Variants in PRIMA1 observed in about 807,000 individuals in gnomAD.
PRIMA1 encodes proline rich membrane anchor 1.
Under a neutral mutation model 17.5 loss-of-function variants are expected in PRIMA1, and 7 were observed. That is an observed-to-expected ratio of 0.40 (90% CI 0.23 to 0.75). The LOEUF (loss-of-function observed/expected upper bound fraction) is 0.75, where lower values mean the gene tolerates loss of function less well. PRIMA1 is among the 30% of genes least tolerant of loss of function. PRIMA1 has a pLI of 0.37. For synonymous variants in PRIMA1, 97 were observed against 77.9 expected (o/e 1.25, Z -1.29); for missense variants, 200 against 201.8 (o/e 0.99, Z 0.05).
chr14:93,771,273 C>A lies in PRIMA1; in HGVS notation c.229+7903G>T, dbSNP rs140705078. 1.7e-3 allele frequency among the ~76,000 whole-genome samples: 253 copies of A among 152,268 alleles called. 1 individual carries two copies. The highest frequency in any genetic ancestry group is 5.6e-3 in the African/African-American group (234 of 41,554). ...TCCCCACTGTTTCAATATGAGGCAGCCCTGGTCCCTTGATTCTAAAAAACA... is the reference window on the plus strand; with the variant it reads ...TCCCCACTGTTTCAATATGAGGCAGACCTGGTCCCTTGATTCTAAAAAACA... On this transcript the variant is annotated intron_variant, in intron 3 of 4. Transcript: ENST00000393140.
intron 3 of PRIMA1, among the ~76,000 whole-genome samples, chr14:93,775,602 T>C (rs1171157102): frequency 6.6e-6 from 1 of 152,222 alleles, no homozygotes; most frequent in African/African-American, 2.4e-5. Flanking sequence ...TATTTTATGA[T>C]TGGCAGAAGT....
At chr14:93,744,770 G>A (rs1234752165) in intron 3 of PRIMA1, among the ~76,000 whole-genome samples, 1 of 152,120 alleles carries the variant, frequency 6.6e-6, no homozygotes, top group Non-Finnish European at 1.5e-5. Context: ...CTCCAATCAC[G>A]GATTCCTACA....
chr14:93,784,414 TG>T (rs1885464936), intron 2 of PRIMA1, among the ~76,000 whole-genome samples: 1 of 152,172 alleles, frequency 6.6e-6, no homozygotes, highest in African/African-American at 2.4e-5. Flanking sequence ...GCAATCCTCC[TG>T]CCTTGGCTTC....
intron 4 of PRIMA1, 61 bp from the exon 5 acceptor site, chr14:93,721,607 T>G: frequency 3.5e-5 from 34 of 979,072 alleles, no homozygotes; most frequent in Non-Finnish European, 5.0e-5. Flanking sequence ...CACCATTAGT[T>G]ATCACTGATG....
upstream of PRIMA1, among the ~76,000 whole-genome samples, chr14:93,788,909 C>T (rs901727317): frequency 8.5e-5 from 13 of 152,152 alleles, no homozygotes; most frequent in African/African-American, 2.7e-4. Context: ...GCCCGGGGCA[C>T]TGGGGTGCCC....
intron 3 of PRIMA1, among the ~76,000 whole-genome samples, chr14:93,752,052 G>A (rs2076263038): frequency 6.6e-6 from 1 of 152,200 alleles, no homozygotes; most frequent in Non-Finnish European, 1.5e-5. Flanking sequence ...GCCGTCCAGA[G>A]TGTTGGGAGG....
intron 2 of PRIMA1, among the ~76,000 whole-genome samples, chr14:93,780,883 G>T (rs1226444203): frequency 6.6e-6 from 1 of 152,162 alleles, no homozygotes; most frequent in African/African-American, 2.4e-5. Context: ...CGACAGCCAC[G>T]GTTGATTTCT....
At chr14:93,731,073 G>A (rs2076110946) in intron 4 of PRIMA1, among the ~76,000 whole-genome samples, 1 of 152,184 alleles carries the variant, frequency 6.6e-6, no homozygotes, top group Admixed American at 6.5e-5. Context: ...AGGAGGCATT[G>A]TTAACCCCAG....
intron 4 of PRIMA1, among the ~76,000 whole-genome samples, chr14:93,731,907 G>A (rs1202881723): frequency 6.6e-6 from 1 of 152,206 alleles, no homozygotes; most frequent in Non-Finnish European, 1.5e-5. Flanking sequence ...ACTGAAAGTG[G>A]CTCAACCACA....
intron 3 of PRIMA1, among the ~76,000 whole-genome samples, chr14:93,765,590 C>T (rs1352271340): frequency 6.6e-6 from 1 of 152,008 alleles, no homozygotes; most frequent in Non-Finnish European, 1.5e-5. Context: ...GGCAAAGCTC[C>T]TTTCTGAGGC....
intron 3 of PRIMA1, among the ~76,000 whole-genome samples, chr14:93,753,333 A>C (rs1377735168): frequency 6.6e-6 from 1 of 152,216 alleles, no homozygotes; most frequent in African/African-American, 2.4e-5. Flanking sequence ...ATTATTTCCA[A>C]GGCATCCATA....
chr14:93,781,975 A>G (rs1334305002), intron 2 of PRIMA1, among the ~76,000 whole-genome samples: 20 of 149,778 alleles, frequency 1.3e-4, no homozygotes, highest in Admixed American at 1.3e-3. Flanking sequence ...TCCAGTCTCA[A>G]AAAAGAATAA....
At chr14:93,776,901 C>T (rs2141191853) in intron 3 of PRIMA1, among the ~76,000 whole-genome samples, 1 of 152,342 alleles carries the variant, frequency 6.6e-6, no homozygotes, top group South Asian at 2.1e-4. Flanking sequence ...AGCTCAGAAT[C>T]TTCCAGAGAA....
At chr14:93,727,685 A>G (rs8022842) in intron 4 of PRIMA1, among the ~76,000 whole-genome samples, 127,523 of 151,846 alleles carry the variant, frequency 0.84, 54,538 homozygotes, top group Middle Eastern at 0.98. Context: ...GGTCTGGTGG[A>G]GGTCCTATAC....
At chr14:93,741,518 G>A (rs562351657) in intron 3 of PRIMA1, among the ~76,000 whole-genome samples, 1 of 152,316 alleles carries the variant, frequency 6.6e-6, no homozygotes, top group Admixed American at 6.5e-5. Context: ...GAGCACCCTC[G>A]GTGCCTGGCA....
Position 93,719,539 on chromosome 14 carries a change from T to C in PRIMA1, c.*1905A>G, listed in dbSNP as rs1473552181. ...TGGTGTGTGCTTAGGGCTAGGGTCC[T>C]GCCCAGGGGTCTGCTTAGGGCACAG... On this transcript the variant is annotated 3_prime_UTR_variant, in exon 5 of 5. Transcript: ENST00000393140. 6.6e-6 allele frequency: 1 copy of C among 152,622 alleles called. No homozygotes were observed. Among genetic ancestry groups the C allele is most frequent in the Non-Finnish European group, 1.5e-5 (1 of 68,378 alleles). 9.5% of individuals were successfully genotyped at this position (152,622 alleles called of 1,614,324 possible). A position where few individuals can be genotyped will look rare whatever the true frequency, so the allele number is the denominator to read the frequency against.
chr14:93,725,801 CA>C, intron 4 of PRIMA1: 8 of 362,528 alleles, frequency 2.2e-5, no homozygotes, highest in South Asian at 1.7e-4. Flanking sequence ...CGGCTGGCAG[CA>C]GCCAAGGTTC....
At chr14:93,742,434 AT>A (rs2076189959) in intron 3 of PRIMA1, among the ~76,000 whole-genome samples, 1 of 152,232 alleles carries the variant, frequency 6.6e-6, no homozygotes, top group Admixed American at 6.5e-5. Flanking sequence ...ACACCAATAA[AT>A]ATATAATGGC....
intron 4 of PRIMA1, among the ~76,000 whole-genome samples, chr14:93,727,286 C>CG (rs1357686608): frequency 6.6e-6 from 1 of 152,172 alleles, no homozygotes; most frequent in Non-Finnish European, 1.5e-5. Context: ...AGGGGTCTGC[C>CG]GGGGGAGGGG....
Sources: allele counts gnomAD v4.1 joint callset (sites outside exome capture counted in the v4.1 genomes callset), GRCh38; gene constraint gnomAD v4.1.1; transcripts MANE v1.5; gene names NCBI Gene and HGNC (gene_info 2026-07-23, HGNC 2026-07-21).